The following NTM variants were observed in gnomAD, a reference collection of about 807,000 sequenced individuals.
NTM encodes the protein neurotrimin.
Under a neutral mutation model 42.1 loss-of-function variants are expected in NTM, and 13 were observed. The observed-to-expected ratio is 0.31, with a 90% CI of 0.20 to 0.49. The LOEUF (loss-of-function observed/expected upper bound fraction) is 0.49. Ranked by LOEUF, NTM falls within the 20% of genes least tolerant of loss-of-function variation. NTM has a pLI of 0.99. For missense variants in NTM, 373 were observed against 452.8 expected, an observed-to-expected ratio of 0.82 and a Z score of 1.60; for synonymous variants, 187 against 179.2, an observed-to-expected ratio of 1.04 and a Z score of -0.35.
At chr11:131,763,734 T>TTTTTTTTTTG (rs1350446741) in intron 1 of NTM, among the ~76,000 whole-genome samples, 4 of 143,422 alleles carry the variant, frequency 2.8e-5, no homozygotes, top group Non-Finnish European at 6.1e-5. Context: ...TTTTTTTTTT[T>TTTTTTTTTTG]TGGCATTGCT....
chr11:131,513,459 C>G (rs1453117802), intron 1 of NTM, among the ~76,000 whole-genome samples: 1 of 151,980 alleles, frequency 6.6e-6, no homozygotes, highest in Non-Finnish European at 1.5e-5. Context: ...CCTTTGAAAA[C>G]AAGTCAATGT....
intron 4 of NTM, among the ~76,000 whole-genome samples, chr11:132,288,943 A>C (rs2094354762): frequency 6.6e-6 from 1 of 152,108 alleles, no homozygotes; most frequent in Non-Finnish European, 1.5e-5. Context: ...TTTATCTTTA[A>C]GTTTACTGAC....
chr11:131,661,826 C>T (rs2658861), intron 1 of NTM, among the ~76,000 whole-genome samples: 124,460 of 152,140 alleles, frequency 0.82, 51,072 homozygotes, highest in East Asian at 0.89. Context: ...CTGTCCCACA[C>T]GTATTTGTTA....
chr11:132,132,037 A>G (rs982498582), intron 2 of NTM, among the ~76,000 whole-genome samples: 1 of 152,248 alleles, frequency 6.6e-6, no homozygotes, highest in Admixed American at 6.5e-5. Flanking sequence ...TAAAGGACTT[A>G]GATAATTATT....
intron 1 of NTM, among the ~76,000 whole-genome samples, chr11:131,790,905 G>T (rs78068743): frequency 2.0e-5 from 3 of 152,154 alleles, no homozygotes; most frequent in Non-Finnish European, 4.4e-5. Context: ...TTAATCATTC[G>T]GAAATATCTT....
At chr11:131,454,356 T>A (rs1591712573) in intron 1 of NTM, among the ~76,000 whole-genome samples, 1 of 152,156 alleles carries the variant, frequency 6.6e-6, no homozygotes, top group East Asian at 1.9e-4. Context: ...GTGGAACACA[T>A]CCCCCTTGAG....
At chr11:131,410,085 C>T (rs1027145384) in intron 1 of NTM, among the ~76,000 whole-genome samples, 2 of 152,088 alleles carry the variant, frequency 1.3e-5, no homozygotes, top group African/African-American at 4.8e-5. Context: ...CAACAGATGG[C>T]AGCTGCAAGG....
chr11:131,383,324 T>A (rs1591517523), intron 1 of NTM, among the ~76,000 whole-genome samples: 2 of 152,204 alleles, frequency 1.3e-5, no homozygotes, highest in African/African-American at 4.8e-5. Context: ...GTTCCTGCAC[T>A]CAGTTAGATA....
At chr11:131,545,644 A>G (rs1190181745) in intron 1 of NTM, among the ~76,000 whole-genome samples, 2 of 152,216 alleles carry the variant, frequency 1.3e-5, no homozygotes, top group African/African-American at 2.4e-5. Context: ...GGAGAGAGAC[A>G]TGAAATCAAA....
intron 4 of NTM, among the ~76,000 whole-genome samples, chr11:132,305,129 C>T (rs1460639844): frequency 6.6e-6 from 1 of 152,174 alleles, no homozygotes; most frequent in Non-Finnish European, 1.5e-5. Context: ...CATTTCAGTC[C>T]AGGACTGTCA....
intron 1 of NTM, chr11:131,661,275 G>C: frequency 3.4e-6 from 1 of 295,256 alleles, no homozygotes; most frequent in Non-Finnish European, 6.8e-6. Context: ...AAGGATTTGA[G>C]GTTTTGCACG....
intron 4 of NTM, among the ~76,000 whole-genome samples, chr11:132,276,325 C>T (rs774996583): frequency 1.3e-5 from 2 of 152,070 alleles, no homozygotes; most frequent in Non-Finnish European, 2.9e-5. Flanking sequence ...ATCTCTTTGA[C>T]ATGCTGATTT....
chr11:131,973,610 A>G (rs571134863), intron 2 of NTM, among the ~76,000 whole-genome samples: 1 of 152,296 alleles, frequency 6.6e-6, no homozygotes, highest in South Asian at 2.1e-4. Flanking sequence ...TGAGGTCAGG[A>G]GTTCGAGACC....
intron 1 of NTM, among the ~76,000 whole-genome samples, chr11:131,388,484 A>G (rs1013480146): frequency 4.8e-5 from 7 of 144,896 alleles, no homozygotes; most frequent in African/African-American, 1.8e-4. Context: ...TGTTTTTAGC[A>G]GGCAGGATAT....
rs377739708 is a variant in NTM at position 131,432,839 on chromosome 11, C to CTTTTTTTTTTTTTTTTTTT, written c.82+61965_82+61983dup. On this transcript the variant is annotated intron_variant, in intron 1 of 8. Transcript: ENST00000683400. ...CTACAAAAGATGAAGATTTAGCATT[C>CTTTTTTTTTTTTTTTTTTT]TTTTTTTTTTTTTTTTTTTTTTTTT... 4.7e-4 allele frequency among the ~76,000 whole-genome samples: 32 copies of CTTTTTTTTTTTTTTTTTTT among 68,700 alleles called. 3 individuals are homozygous for CTTTTTTTTTTTTTTTTTTT. The highest frequency in any genetic ancestry group is 6.7e-4 in the Non-Finnish European group (26 of 38,810). The allele number at this position is 68,700 out of a possible 152,430, so 45.1% of individuals were successfully genotyped here. A position where few individuals can be genotyped will look rare whatever the true frequency, so the allele number is the denominator to read the frequency against.
chr11:131,765,396 A>C (rs559183246), intron 1 of NTM, among the ~76,000 whole-genome samples: 1 of 152,304 alleles, frequency 6.6e-6, no homozygotes, highest in South Asian at 2.1e-4. Context: ...CGCCAGGTTC[A>C]ACCCCCATCT....
chr11:131,471,233 T>C (rs1032130734), intron 1 of NTM, among the ~76,000 whole-genome samples: 7 of 152,124 alleles, frequency 4.6e-5, no homozygotes, highest in African/African-American at 1.7e-4. Flanking sequence ...CTATCTGTGA[T>C]TTCTCTAAAC....
At chr11:131,992,997 G>C (rs1218641406) in intron 2 of NTM, among the ~76,000 whole-genome samples, 1 of 152,126 alleles carries the variant, frequency 6.6e-6, no homozygotes, top group Non-Finnish European at 1.5e-5. Flanking sequence ...ACTTCTGGGG[G>C]TTTACCCACT....
chr11:131,539,070 C>T (rs888534977), intron 1 of NTM: 1 of 152,000 alleles, frequency 6.6e-6, no homozygotes, highest in Non-Finnish European at 1.5e-5. Context: ...GTAGCTGGGA[C>T]TTCAAGCGCA....
Sources: allele counts gnomAD v4.1 joint callset (sites outside exome capture counted in the v4.1 genomes callset), GRCh38; gene constraint gnomAD v4.1.1; transcripts MANE v1.5; gene names NCBI Gene and HGNC (gene_info 2026-07-23, HGNC 2026-07-21).